The following ITPR2 variants were observed in gnomAD, a reference collection of about 807,000 sequenced individuals.
ITPR2 encodes inositol 1,4,5-trisphosphate receptor type 2, also known as inositol 1,4,5-trisphosphate-gated calcium channel ITPR2.
Under a neutral mutation model 317.1 loss-of-function variants are expected in ITPR2, and 207 were observed. The ratio of observed to expected loss-of-function variants is 0.65; its 90% CI spans 0.58 to 0.73. The LOEUF is 0.73. Among genes scored for constraint, ITPR2 ranks in the 30% least tolerant of loss-of-function variants. ITPR2 has a pLI of 0.00. For missense variants in ITPR2, 2,613 were observed against 3,284.0 expected, an observed-to-expected ratio of 0.80 and a Z score of 4.99; for synonymous variants, 1,156 against 1,149.1, an observed-to-expected ratio of 1.01 and a Z score of -0.12.
chr12:26,414,539 G>A (rs536112633), intron 51 of ITPR2, among the ~76,000 whole-genome samples: 4 of 152,074 alleles, frequency 2.6e-5, no homozygotes, highest in Non-Finnish European at 4.4e-5. Context: ...TTTCTACCCA[G>A]CAAAGCAGGG....
rs147920579 is a variant in ITPR2 at position 26,455,947 on chromosome 12, C to A, written c.6343-12297G>T. On this transcript the variant is annotated intron_variant, in intron 45 of 56. Coordinates refer to ENST00000381340, the MANE Select transcript of ITPR2 (RefSeq NM_002223.4). The stretch of plus-strand genomic sequence containing the variant: ...ATGCAATATTAACATAACATAAAGA[C>A]CCACTTCTCTTATTCAATACTAAGA... Among the ~76,000 whole-genome samples the A allele has an allele frequency of 1.3e-3, 199 of 152,230 alleles. 1 individual carries two copies. Among genetic ancestry groups the A allele is most frequent in the African/African-American group, 4.5e-3 (187 of 41,534 alleles).
chr12:26,579,648 C>T (rs1281271290), intron 33 of ITPR2, among the ~76,000 whole-genome samples: 2 of 151,918 alleles, frequency 1.3e-5, no homozygotes, highest in African/African-American at 4.8e-5. Context: ...TTTAGTATTA[C>T]AAATATTTGA....
chr12:26,792,363 T>C (rs1216990264), intron 1 of ITPR2, among the ~76,000 whole-genome samples: 2 of 151,328 alleles, frequency 1.3e-5, no homozygotes, highest in African/African-American at 4.9e-5. Context: ...GCATTAAAAG[T>C]CAAACAGGAT....
intron 37 of ITPR2, among the ~76,000 whole-genome samples, chr12:26,536,855 G>A (rs1001484135): frequency 2.6e-5 from 4 of 152,294 alleles, no homozygotes; most frequent in African/African-American, 7.2e-5. Flanking sequence ...ATGTGGTCGT[G>A]ATATAGTTGG....
At chr12:26,495,452 T>A in intron 37 of ITPR2, 192 bp from the exon 38 acceptor site, 1 of 510,338 alleles carries the variant, frequency 2.0e-6, no homozygotes, top group Non-Finnish European at 3.5e-6. Context: ...TTGCTTCTCA[T>A]AATAAATAAA....
chr12:26,735,830 T>C (rs1232640729), intron 2 of ITPR2, among the ~76,000 whole-genome samples: 1 of 152,232 alleles, frequency 6.6e-6, no homozygotes, highest in African/African-American at 2.4e-5. Flanking sequence ...ATAAAAACTA[T>C]ATTTTTAAAT....
intron 9 of ITPR2, among the ~76,000 whole-genome samples, chr12:26,699,471 T>C (rs1024030753): frequency 6.6e-6 from 1 of 152,198 alleles, no homozygotes; most frequent in Non-Finnish European, 1.5e-5. Flanking sequence ...GACTAAACCA[T>C]GACTCTATGT....
At chr12:26,508,560 T>C (rs1413970448) in intron 37 of ITPR2, among the ~76,000 whole-genome samples, 3 of 152,016 alleles carry the variant, frequency 2.0e-5, no homozygotes, top group Non-Finnish European at 4.4e-5. Context: ...GAGAGGTATA[T>C]TTATCTTACA....
chr12:26,603,258 G>C lies in ITPR2; in HGVS notation c.3463-552C>G, dbSNP rs963389643. ...ACATACAGAACCATGAAAATGAAGA[G>C]AGAAAAATAAAAAGCAAATTAAAAT... is the stretch of plus-strand genomic sequence containing the variant. On this transcript the variant is annotated intron_variant, in intron 26 of 56. Coordinates refer to ENST00000381340, the MANE Select transcript of ITPR2 (RefSeq NM_002223.4). Among the ~76,000 whole-genome samples, 5 of 151,854 alleles carry C rather than the reference G, an allele frequency of 3.3e-5. 1 individual carries two copies. Among genetic ancestry groups the C allele is most frequent in the African/African-American group, 9.7e-5 (4 of 41,324 alleles).
chr12:26,432,490 A>T (rs1319657524), intron 48 of ITPR2, among the ~76,000 whole-genome samples: 1 of 151,176 alleles, frequency 6.6e-6, no homozygotes, highest in East Asian at 1.9e-4. Context: ...CTTTAAAGTT[A>T]TTATTTTTCC....
At chr12:26,514,926 C>A (rs1192176699) in intron 37 of ITPR2, among the ~76,000 whole-genome samples, 2 of 151,986 alleles carry the variant, frequency 1.3e-5, no homozygotes, top group Non-Finnish European at 2.9e-5. Flanking sequence ...AACAAAAGAC[C>A]AAGAAATCAG....
chr12:26,613,840 T>A (rs1174347552), intron 26 of ITPR2, among the ~76,000 whole-genome samples: 1 of 152,100 alleles, frequency 6.6e-6, no homozygotes, highest in Non-Finnish European at 1.5e-5. Flanking sequence ...GACCAGAATG[T>A]CCAATCTAAA....
intron 2 of ITPR2, among the ~76,000 whole-genome samples, chr12:26,772,020 A>C (rs1196604745): frequency 6.6e-6 from 1 of 152,150 alleles, no homozygotes; most frequent in Non-Finnish European, 1.5e-5. Flanking sequence ...TACTCTTGTC[A>C]CATTTAGTTG....
At chr12:26,681,066 G>A (rs1948019054) in intron 13 of ITPR2, among the ~76,000 whole-genome samples, 1 of 152,192 alleles carries the variant, frequency 6.6e-6, no homozygotes, top group African/African-American at 2.4e-5. Context: ...AAATTAAAAG[G>A]CATGTAGTAG....
intron 55 of ITPR2, among the ~76,000 whole-genome samples, chr12:26,381,676 G>A (rs1232532874): frequency 1.3e-5 from 2 of 152,178 alleles, no homozygotes; most frequent in Non-Finnish European, 2.9e-5. Context: ...GAGTGCAGTT[G>A]TTAATCAAGA....
At chr12:26,661,293 A>AGGG (rs1947496300) in intron 15 of ITPR2, among the ~76,000 whole-genome samples, 1 of 8,242 alleles carries the variant, frequency 1.2e-4, no homozygotes, top group Non-Finnish European at 2.1e-4. Flanking sequence ...GGGGGGTGGG[A>AGGG]GGGAACGGGC....
chr12:26,403,315 C>T (rs1026497439), intron 52 of ITPR2, among the ~76,000 whole-genome samples: 3 of 152,186 alleles, frequency 2.0e-5, no homozygotes, highest in South Asian at 2.1e-4. Flanking sequence ...GAGACTCACA[C>T]ATCAAGCTGA....
chr12:26,600,585 T>G (rs918626844), intron 28 of ITPR2, among the ~76,000 whole-genome samples: 1 of 151,994 alleles, frequency 6.6e-6, no homozygotes, highest in Non-Finnish European at 1.5e-5. Context: ...AGTATGCCTA[T>G]ATCTCCATCA....
At chr12:26,422,282 T>C (rs2136691691) in intron 49 of ITPR2, among the ~76,000 whole-genome samples, 1 of 150,088 alleles carries the variant, frequency 6.7e-6, no homozygotes, top group East Asian at 1.9e-4. Context: ...TATTGAATTA[T>C]TGAATAATTA....
Sources: gnomAD v4.1 joint callset for allele counts (sites outside exome capture counted in the v4.1 genomes callset) on GRCh38, gnomAD v4.1.1 for gene constraint, MANE v1.5 for transcripts, NCBI Gene and HGNC (gene_info 2026-07-23, HGNC 2026-07-21) for gene names.